Variants in CNKSR2 observed in about 807,000 individuals in gnomAD.
CNKSR2 encodes the protein connector enhancer of kinase suppressor of Ras 2, also known as CNK homolog protein 2.
In CNKSR2, 14 loss-of-function variants were observed where a neutral mutation model predicts 84.4. That is an observed-to-expected ratio of 0.17 (90% CI 0.11 to 0.26). The LOEUF (loss-of-function observed/expected upper bound fraction) is 0.26, where lower values mean the gene tolerates loss of function less well. Among genes scored for constraint, CNKSR2 ranks in the 10% least tolerant of loss-of-function variants. The pLI is 1.00. For missense variants in CNKSR2, 485 were observed against 771.2 expected, an observed-to-expected ratio of 0.63 and a Z score of 4.40; for synonymous variants, 275 against 277.9, an observed-to-expected ratio of 0.99 and a Z score of 0.10.
chrX:21,463,329 A>T (rs766905492), intron 4 of CNKSR2, among the ~76,000 whole-genome samples: 3 of 110,937 alleles, frequency 2.7e-5, no homozygotes, highest in Non-Finnish European at 5.7e-5. Flanking sequence ...GTACCAGGGT[A>T]ATATTGGCCT....
chrX:21,394,772 TTTA>T (rs1464660936), intron 1 of CNKSR2, among the ~76,000 whole-genome samples: 2 of 111,838 alleles, frequency 1.8e-5, no homozygotes, highest in Admixed American at 9.5e-5. Context: ...TTATAAAAGG[TTTA>T]TTATTATACA....
At chrX:21,549,026 C>G (rs28826069) in intron 11 of CNKSR2, among the ~76,000 whole-genome samples, 5,602 of 112,354 alleles carry the variant, frequency 0.05, 336 homozygotes, top group African/African-American at 0.16. Context: ...CAAGGATGCC[C>G]TCTCTCACCA....
chrX:21,558,487 G>A (rs1028529243), intron 11 of CNKSR2, among the ~76,000 whole-genome samples: 6 of 107,401 alleles, frequency 5.6e-5, no homozygotes, highest in Middle Eastern at 4.8e-3. Flanking sequence ...TTTTTCTTTC[G>A]GTTTTTTTCT....
At chrX:21,375,614 C>G (rs756500666) in intron 1 of CNKSR2, among the ~76,000 whole-genome samples, 1 of 112,148 alleles carries the variant, frequency 8.9e-6, no homozygotes, top group South Asian at 3.7e-4. Context: ...CTGCCTCCAG[C>G]GCATCCCCTC....
intron 3 of CNKSR2, among the ~76,000 whole-genome samples, chrX:21,435,426 A>G (rs1170287030): frequency 9.0e-6 from 1 of 111,533 alleles, no homozygotes; most frequent in Non-Finnish European, 1.9e-5. Context: ...TCCAGTTTCA[A>G]TGGAGCTTCC....
chrX:21,532,469 T>A (rs775576615), intron 11 of CNKSR2, among the ~76,000 whole-genome samples: 2 of 110,696 alleles, frequency 1.8e-5, no homozygotes, highest in African/African-American at 3.3e-5. Flanking sequence ...CCTCAGGGAT[T>A]TTAAGAAATA....
chrX:21,603,403 T>A (rs772966759), intron 18 of CNKSR2, among the ~76,000 whole-genome samples: 1 of 112,200 alleles, frequency 8.9e-6, no homozygotes, highest in Non-Finnish European at 1.9e-5. Context: ...TAGAGTTATA[T>A]CTTCTGAGTA....
At chrX:21,465,458 A>G (rs1176122418) in intron 4 of CNKSR2, among the ~76,000 whole-genome samples, 1 of 111,638 alleles carries the variant, frequency 9.0e-6, no homozygotes. Flanking sequence ...CCCCTTAGGC[A>G]TGTAAAGACA....
chrX:21,448,731 C>A (rs185715012), intron 4 of CNKSR2, among the ~76,000 whole-genome samples: 1 of 111,351 alleles, frequency 9.0e-6, no homozygotes, highest in African/African-American at 3.3e-5. Context: ...GCAAAAAACA[C>A]GAATACTTTT....
intron 1 of CNKSR2, among the ~76,000 whole-genome samples, chrX:21,378,561 A>G (rs1019427653): frequency 4.0e-4 from 45 of 111,382 alleles, no homozygotes; most frequent in African/African-American, 1.3e-3. Flanking sequence ...TGCCCACTGA[A>G]ATATAACAAA....
chrX:21,462,346 A>T (rs984850667), intron 4 of CNKSR2, among the ~76,000 whole-genome samples: 1 of 111,979 alleles, frequency 8.9e-6, no homozygotes, highest in South Asian at 3.7e-4. Context: ...CACCGTTGGT[A>T]TGTAGAAATG....
At chrX:21,474,213 G>A (rs995878923) in intron 5 of CNKSR2, among the ~76,000 whole-genome samples, 1 of 110,936 alleles carries the variant, frequency 9.0e-6, no homozygotes, top group Admixed American at 9.6e-5. Context: ...GATTTATAAT[G>A]GCTCCTTTTC....
At chrX:21,651,178 C>G (rs756792132) in intron 21 of CNKSR2, among the ~76,000 whole-genome samples, 1 of 111,827 alleles carries the variant, frequency 8.9e-6, no homozygotes, top group Non-Finnish European at 1.9e-5. Flanking sequence ...GATGAATCAC[C>G]AGGTACATGA....
chrX:21,638,368 T>A lies in CNKSR2; in HGVS notation c.2693-10463T>A, dbSNP rs185958202. On this transcript the variant is annotated intron_variant, in intron 20 of 21. Transcript: ENST00000379510. Reference sequence around the variant, plus strand: ...GGCGGTCAAGTTTTATTTGGGGCAATGTTTAAATTCATAAAGCAAAAAGAG... The same window carrying A: ...GGCGGTCAAGTTTTATTTGGGGCAAAGTTTAAATTCATAAAGCAAAAAGAG... Among the ~76,000 whole-genome samples, 57 of 112,026 alleles carry A rather than the reference T, an allele frequency of 5.1e-4. 1 individual carries two copies. The Admixed American group carries it at 5.1e-3, about 10-fold the overall frequency.
chrX:21,490,455 C>A lies in CNKSR2; in HGVS notation c.562-4C>A. On this transcript the variant is annotated splice_region_variant and splice_polypyrimidine_tract_variant and intron_variant, in intron 5 of 21. Transcript: ENST00000379510. The stretch of plus-strand genomic sequence containing the variant: ...CACAACTATTTTTGTTTTTGTGCTT[C>A]CAGTGTAAAACTCTTTCTGGAGTCT... 1 of 1,195,661 alleles carries A rather than the reference C, an allele frequency of 8.4e-7. No individual in the cohort carries two copies. Among genetic ancestry groups the A allele is most frequent in the South Asian group, 1.9e-5 (1 of 53,212 alleles).
intron 1 of CNKSR2, among the ~76,000 whole-genome samples, chrX:21,404,563 C>T (rs1212053071): frequency 2.8e-5 from 3 of 109,014 alleles, no homozygotes; most frequent in Non-Finnish European, 3.8e-5. Context: ...CTGAGGCGGG[C>T]GGATCATTTG....
intron 17 of CNKSR2, 31 bp from the exon 18 acceptor site, chrX:21,601,251 A>G (rs761367164): frequency 3.3e-6 from 3 of 897,564 alleles, no homozygotes; most frequent in Non-Finnish European, 1.6e-6. Context: ...TTAGGTTACA[A>G]TGTTATTGAT....
chrX:21,551,030 CAAA>C (rs201507178), intron 11 of CNKSR2, among the ~76,000 whole-genome samples: 1 of 77,803 alleles, frequency 1.3e-5, no homozygotes, highest in Non-Finnish European at 2.5e-5. Context: ...GACTCCATCT[CAAA>C]AAAAAAAAAA....
At chrX:21,433,028 C>T (rs886987482) in intron 3 of CNKSR2, among the ~76,000 whole-genome samples, 5 of 111,744 alleles carry the variant, frequency 4.5e-5, no homozygotes, top group African/African-American at 1.6e-4. Flanking sequence ...AATAATTAGT[C>T]TGACAACTGT....
Sources: gnomAD v4.1 joint callset for allele counts (sites outside exome capture counted in the v4.1 genomes callset) on GRCh38, gnomAD v4.1.1 for gene constraint, MANE v1.5 for transcripts, NCBI Gene and HGNC (gene_info 2026-07-23, HGNC 2026-07-21) for gene names.